DDHD1: variants seen among roughly 807,000 people sequenced by gnomAD.
DDHD1 encodes the protein DDHD domain containing 1, also known as phospholipase DDHD1.
A neutral mutation model predicts 96.4 loss-of-function variants in DDHD1; 49 were observed. The ratio of observed to expected loss-of-function variants is 0.51; its 90% CI spans 0.40 to 0.64. The LOEUF (loss-of-function observed/expected upper bound fraction) is 0.64, where lower values mean the gene tolerates loss of function less well. Ranked by LOEUF, DDHD1 falls within the 30% of genes least tolerant of loss-of-function variation. The pLI, the probability that DDHD1 is intolerant of heterozygous loss-of-function variation, is 0.00. For missense variants in DDHD1, 1,106 were observed against 1,161.2 expected, an observed-to-expected ratio of 0.95 and a Z score of 0.69; for synonymous variants, 442 against 446.5, an observed-to-expected ratio of 0.99 and a Z score of 0.13.
intron 1 of DDHD1, among the ~76,000 whole-genome samples, chr14:53,138,921 G>A (rs941025446): frequency 1.3e-5 from 2 of 152,066 alleles, no homozygotes; most frequent in African/African-American, 4.8e-5. Flanking sequence ...TGGGAGAGGG[G>A]AACAGTGGCA....
intron 4 of DDHD1, among the ~76,000 whole-genome samples, chr14:53,088,045 C>A (rs538586384): frequency 3.9e-5 from 6 of 152,250 alleles, no homozygotes; most frequent in Non-Finnish European, 8.8e-5. Flanking sequence ...CACCTCTATG[C>A]GAATAAACCA....
chr14:53,144,594 G>C (rs1024790831), intron 1 of DDHD1, among the ~76,000 whole-genome samples: 1 of 152,122 alleles, frequency 6.6e-6, no homozygotes, highest in Admixed American at 6.5e-5. Flanking sequence ...ACTTAATGTT[G>C]AAACAGATAC....
chr14:53,054,455 C>G lies in DDHD1; in HGVS notation c.2420G>C (p.Gly807Ala). The G allele has an allele frequency of 1.2e-6, 2 of 1,613,680 alleles. No individual in the cohort carries two copies. The highest frequency in any genetic ancestry group is 1.7e-6 in the Non-Finnish European group (2 of 1,179,704). Residue 807 changes from glycine (G) to alanine (A), a missense_variant, in exon 11 of 13, where the codon GGC (glycine) becomes GCC (alanine). Transcript: ENST00000673822. Reference sequence around the variant, plus strand: ...GAACTAACATGCAGAATCGAGGAAGCCAGAACTGCTATGTGGAAGGGTCTG... The same window carrying G: ...GAACTAACATGCAGAATCGAGGAAGGCAGAACTGCTATGTGGAAGGGTCTG... Reference protein sequence around the residue: ...GTQTLPHSSSGFLDSAYFRLQ... With the variant: ...GTQTLPHSSSAFLDSAYFRLQ...
At chr14:53,111,100 A>C (rs184283221) in intron 1 of DDHD1, among the ~76,000 whole-genome samples, 116 of 152,310 alleles carry the variant, frequency 7.6e-4, no homozygotes, top group Non-Finnish European at 1.5e-3. Context: ...TCTAAGGTTC[A>C]TTTTCTACTA....
intron 12 of DDHD1, among the ~76,000 whole-genome samples, chr14:53,047,431 A>T (rs755387526): frequency 3.3e-5 from 5 of 152,200 alleles, no homozygotes; most frequent in Non-Finnish European, 5.9e-5. Context: ...ATGTTAGAAG[A>T]TAACCATCTG....
chr14:53,057,211 A>C (rs1404809005), intron 9 of DDHD1, among the ~76,000 whole-genome samples: 1 of 152,212 alleles, frequency 6.6e-6, no homozygotes, highest in Non-Finnish European at 1.5e-5. Context: ...GTACTAGCTA[A>C]AAGGATCCTT....
intron 1 of DDHD1, among the ~76,000 whole-genome samples, chr14:53,147,911 T>G (rs1891106752): frequency 6.6e-6 from 1 of 152,194 alleles, no homozygotes; most frequent in Admixed American, 6.5e-5. Flanking sequence ...TGATGCCCTG[T>G]GCCACACAAA....
At position 53,062,216 on chromosome 14, in the gene DDHD1, A is replaced by G. The variant is rs1043238611; in HGVS notation, c.1766+727T>C. Among the ~76,000 whole-genome samples, 5 of 152,100 alleles carry G rather than the reference A, an allele frequency of 3.3e-5. No homozygotes were observed. In the East Asian group the frequency reaches 7.7e-4, roughly 23 times the overall value. The stretch of plus-strand genomic sequence containing the variant: ...TTGTGTGTCTAGCCTATGGTACTTA[A>G]TAAGATTCTAAATGAAATCCTTAGT... On this transcript the variant is annotated intron_variant, in intron 7 of 12. Coordinates refer to ENST00000673822, the MANE Select transcript of DDHD1 (RefSeq NM_001160148.2).
At chr14:53,136,021 C>G (rs1365088976) in intron 1 of DDHD1, among the ~76,000 whole-genome samples, 2 of 152,182 alleles carry the variant, frequency 1.3e-5, no homozygotes, top group South Asian at 4.1e-4. Flanking sequence ...TGACATTCCA[C>G]CATTGTAATT....
intron 4 of DDHD1, among the ~76,000 whole-genome samples, chr14:53,083,305 G>C (rs1014130731): frequency 6.6e-6 from 1 of 152,144 alleles, no homozygotes; most frequent in African/African-American, 2.4e-5. Context: ...AGTCTTCTAA[G>C]ATTATAGCTT....
In DDHD1 at chr14:53,152,908, C is replaced by G. The variant is rs1297939280; in HGVS notation, c.191G>C (p.Gly64Ala). ...GTCGGTGCCCGGCGCCAAATGCAGC[C>G]CGGGTTCCCCGCGCAGCAGGGCCAG... ...VPLALLRGEP[G>A]LHLAPGTDDH... Residue 64 changes from glycine to alanine, a missense_variant, in exon 1 of 13, where the codon GGG becomes GCG. By Grantham distance (60) the Gly-to-Ala change is moderately conservative. This residue lies in a region of DDHD1 where 456 missense variants were observed against 402.4 expected (regional missense o/e 1.13). Coordinates refer to ENST00000673822, the MANE Select transcript of DDHD1 (RefSeq NM_001160148.2). 1.9e-6 allele frequency: 3 copies of G among 1,608,078 alleles called. No individual in the cohort carries two copies. The highest frequency in any genetic ancestry group is 1.1e-5 in the South Asian group (1 of 90,508).
intron 1 of DDHD1, among the ~76,000 whole-genome samples, chr14:53,123,967 C>T (rs1010811118): frequency 6.6e-6 from 1 of 151,634 alleles, no homozygotes; most frequent in Non-Finnish European, 1.5e-5. Flanking sequence ...CATGGTGGCT[C>T]ATGCCTGTAA....
chr14:53,122,839 T>C (rs1011472388), intron 1 of DDHD1, among the ~76,000 whole-genome samples: 2 of 152,054 alleles, frequency 1.3e-5, no homozygotes, highest in African/African-American at 2.4e-5. Context: ...AGTACTGGGA[T>C]TACAGGCGTG....
At chr14:53,063,296 A>G in intron 6 of DDHD1, 91 bp from the exon 7 acceptor site, 1 of 1,404,006 alleles carries the variant, frequency 7.1e-7, no homozygotes. Flanking sequence ...GTAGAAAAAC[A>G]TACATTACCG....
intron 1 of DDHD1, among the ~76,000 whole-genome samples, chr14:53,110,882 A>G (rs1435639854): frequency 1.3e-5 from 2 of 152,198 alleles, no homozygotes; most frequent in African/African-American, 4.8e-5. Flanking sequence ...AGGCTGAGGC[A>G]GAAGAATCTC....
At chr14:53,093,139 T>G (rs184288910) in intron 3 of DDHD1, 177 bp downstream of exon 3, 104 of 454,628 alleles carry the variant, frequency 2.3e-4, no homozygotes, top group African/African-American at 2.0e-3. Context: ...AATTATTCCT[T>G]GATGAACACA....
At chr14:53,078,628 TATA>T (rs999278109) in intron 4 of DDHD1, among the ~76,000 whole-genome samples, 12 of 152,168 alleles carry the variant, frequency 7.9e-5, no homozygotes, top group African/African-American at 2.9e-4. Context: ...CTTTTCTACT[TATA>T]ATGTCATGTC....
intron 1 of DDHD1, among the ~76,000 whole-genome samples, chr14:53,111,433 T>C (rs765658012): frequency 6.6e-6 from 1 of 152,224 alleles, no homozygotes; most frequent in Non-Finnish European, 1.5e-5. Context: ...TTGGTGATAA[T>C]GACTCTTCCT....
At chr14:53,151,566 G>A (rs1159294497) in intron 1 of DDHD1, among the ~76,000 whole-genome samples, 1 of 152,212 alleles carries the variant, frequency 6.6e-6, no homozygotes, top group Non-Finnish European at 1.5e-5. Flanking sequence ...ATCCCGTGAG[G>A]TAGGTACAAT....
Sources: allele counts gnomAD v4.1 joint callset (sites outside exome capture counted in the v4.1 genomes callset), GRCh38; gene constraint gnomAD v4.1.1; regional missense constraint gnomAD v4.1.1; transcripts MANE v1.5; gene names NCBI Gene and HGNC (gene_info 2026-07-23, HGNC 2026-07-21).